Variants in CNOT6L observed in about 807,000 individuals in gnomAD.
The protein encoded by CNOT6L is CCR4-NOT transcription complex subunit 6 like, also known as CCR4-NOT transcription complex subunit 6-like.
CNOT6L carries 7 observed loss-of-function variants against 64.0 expected under a neutral mutation model. That is an observed-to-expected ratio of 0.11 (90% CI 0.06 to 0.21). CNOT6L has a LOEUF of 0.21. Ranked by LOEUF, CNOT6L falls within the 10% of genes least tolerant of loss-of-function variation. The pLI is 1.00. For missense variants in CNOT6L, 245 were observed against 669.0 expected (o/e 0.37, Z 6.99); for synonymous variants, 193 against 243.4 (o/e 0.79, Z 1.93).
chr4:77,752,220 T>C (rs1054707717), intron 5 of CNOT6L, among the ~76,000 whole-genome samples: 1 of 152,080 alleles, frequency 6.6e-6, no homozygotes, highest in Non-Finnish European at 1.5e-5. Context: ...GATAGAAAGT[T>C]TGAATAACCA....
chr4:77,731,600 A>T (rs1050272459), intron 8 of CNOT6L, 62 bp from the exon 9 acceptor site: 3 of 1,239,476 alleles, frequency 2.4e-6, no homozygotes, highest in Non-Finnish European at 1.1e-6. Context: ...ATATTAAATG[A>T]AAGAAACATG....
intron 1 of CNOT6L, among the ~76,000 whole-genome samples, chr4:77,804,574 CAGAAAGT>C (rs1732004561): frequency 6.6e-6 from 1 of 151,724 alleles, no homozygotes; most frequent in Admixed American, 6.6e-5. Context: ...TCCATAGAGA[CAGAAAGT>C]AGACCAGAAA....
Position 77,805,866 on chromosome 4 carries a change from T to C in CNOT6L, c.5+13438A>G, listed in dbSNP as rs561275143. ...GAAACCAATCATAAGAGTATTCTAA[T>C]TATTCAAGCATAAAGTAAGCAGAGC... On this transcript the variant is annotated intron_variant, in intron 1 of 11. Transcript: ENST00000504123. Among the ~76,000 whole-genome samples, 4 of 152,306 alleles carry C rather than the reference T, an allele frequency of 2.6e-5. No individual in the cohort carries two copies. The East Asian group carries it at 7.7e-4, about 29-fold the overall frequency.
chr4:77,788,022 C>A (rs895628220), intron 1 of CNOT6L, among the ~76,000 whole-genome samples: 7 of 152,204 alleles, frequency 4.6e-5, no homozygotes, highest in Non-Finnish European at 1.0e-4. Flanking sequence ...TATCATAAAT[C>A]TGAAAATCTA....
chr4:77,745,504 C>T (rs1239040488), intron 6 of CNOT6L, among the ~76,000 whole-genome samples: 2 of 152,192 alleles, frequency 1.3e-5, no homozygotes, highest in Non-Finnish European at 2.9e-5. Flanking sequence ...CATCAGTAAT[C>T]AATCACCTGG....
In CNOT6L at chr4:77,719,192, T is replaced by G. The variant is rs1721047248; in HGVS notation, c.*1239A>C. 6.6e-6 allele frequency: 1 copy of G among 152,516 alleles called. No homozygotes were observed. 9.4% of individuals were successfully genotyped at this position (152,516 alleles called of 1,614,324 possible). On this transcript the variant is annotated 3_prime_UTR_variant, in exon 12 of 12. Coordinates refer to ENST00000504123, the MANE Select transcript of CNOT6L (RefSeq NM_144571.3). ...GAGTCACAGATTTTCAACTGGCCCC[T>G]CCTAGGCAAAAAAAAGATTCCAACA...
At chr4:77,801,861 C>T (rs1347476405) in intron 1 of CNOT6L, among the ~76,000 whole-genome samples, 2 of 152,144 alleles carry the variant, frequency 1.3e-5, no homozygotes, top group Non-Finnish European at 2.9e-5. Flanking sequence ...TGAATAGCCA[C>T]TGTATTCCAG....
intron 1 of CNOT6L, among the ~76,000 whole-genome samples, chr4:77,817,274 CTA>C (rs1230591649): frequency 2.0e-5 from 3 of 151,772 alleles, no homozygotes; most frequent in Non-Finnish European, 4.4e-5. Flanking sequence ...ATTTTAATGA[CTA>C]TTTTTATTAT....
chr4:77,746,694 TATGAAGAATTAGAAA>T (rs1032745974), intron 6 of CNOT6L, among the ~76,000 whole-genome samples: 9 of 152,222 alleles, frequency 5.9e-5, no homozygotes, highest in Admixed American at 5.9e-4. Context: ...AAGGGATTAC[TATGAAGAATTAGAAA>T]ATGGTGTTTT....
intron 1 of CNOT6L, among the ~76,000 whole-genome samples, chr4:77,787,767 ATAAGT>A (rs1388246102): frequency 3.9e-5 from 6 of 152,264 alleles, no homozygotes; most frequent in Middle Eastern, 3.2e-3. Flanking sequence ...GCTACTACAT[ATAAGT>A]TATTTACCTA....
chr4:77,764,561 G>A (rs142091946), intron 4 of CNOT6L, among the ~76,000 whole-genome samples: 148 of 152,128 alleles, frequency 9.7e-4, no homozygotes, highest in African/African-American at 3.5e-3. Context: ...TTTCTTGCAG[G>A]AGATCCAAGA....
chr4:77,790,916 T>G (rs1205691478), intron 1 of CNOT6L, among the ~76,000 whole-genome samples: 1 of 151,646 alleles, frequency 6.6e-6, no homozygotes, highest in Non-Finnish European at 1.5e-5. Context: ...CGCCTCGGCT[T>G]TCCAAAGTGC....
chr4:77,814,266 G>A (rs972170436), intron 1 of CNOT6L, among the ~76,000 whole-genome samples: 3 of 152,026 alleles, frequency 2.0e-5, no homozygotes, highest in Admixed American at 2.0e-4. Context: ...TTATATTTTA[G>A]GTAATGAAAA....
chr4:77,758,425 C>T (rs978593394), intron 4 of CNOT6L, among the ~76,000 whole-genome samples: 1 of 152,034 alleles, frequency 6.6e-6, no homozygotes, highest in Admixed American at 6.5e-5. Context: ...AAACATAAGA[C>T]AGTAAAAGAT....
At position 77,801,109 on chromosome 4, in the gene CNOT6L, G is replaced by C. The variant is rs150601101; in HGVS notation, c.5+18195C>G. On this transcript the variant is annotated intron_variant, in intron 1 of 11. Coordinates refer to ENST00000504123, the MANE Select transcript of CNOT6L (RefSeq NM_144571.3). ...TTGATTAGAAGGATAAAGAACAAGAGAACTTACAATGGCTTTGAGTCAAGC... is the reference window on the plus strand; with the variant it reads ...TTGATTAGAAGGATAAAGAACAAGACAACTTACAATGGCTTTGAGTCAAGC... Among the ~76,000 whole-genome samples, 151 of 152,244 alleles carry C rather than the reference G, an allele frequency of 9.9e-4. 1 individual carries two copies. Among genetic ancestry groups the C allele is most frequent in the African/African-American group, 3.1e-3 (130 of 41,534 alleles).
intron 1 of CNOT6L, among the ~76,000 whole-genome samples, chr4:77,811,005 T>C (rs1002651555): frequency 3.9e-5 from 6 of 152,194 alleles, no homozygotes; most frequent in Non-Finnish European, 8.8e-5. Flanking sequence ...TTTCATTCTT[T>C]ATGGCTGAAG....
In CNOT6L at chr4:77,757,098, A is replaced by C. The variant is rs190509876; in HGVS notation, c.401-147T>G. On this transcript the variant is annotated intron_variant, in intron 4 of 11. Coordinates refer to ENST00000504123, the MANE Select transcript of CNOT6L (RefSeq NM_144571.3). ...ATTTAATCTATTATATACATTTAAA[A>C]ATGTATGTGTAAATAAATATTTTCT... 1.7e-3 allele frequency: 761 copies of C among 446,196 alleles called. 14 individuals are homozygous for C. In the East Asian group the frequency reaches 0.024, roughly 14 times the overall value. 27.6% of individuals were successfully genotyped at this position (446,196 alleles called of 1,614,324 possible).
chr4:77,729,492 G>C (rs1195153212), intron 9 of CNOT6L, among the ~76,000 whole-genome samples: 2 of 152,154 alleles, frequency 1.3e-5, no homozygotes, highest in Non-Finnish European at 2.9e-5. Flanking sequence ...ACTGTGATAG[G>C]TCAGCAGTAA....
rs1237821988 is a variant in CNOT6L, at chr4:77,720,332, A to C, written c.*99T>G. On this transcript the variant is annotated 3_prime_UTR_variant, in exon 12 of 12. Coordinates refer to ENST00000504123, the MANE Select transcript of CNOT6L (RefSeq NM_144571.3). ...ACACATAATGAAAGAAACCTGAAGA[A>C]GCAGCTTAAGGATGGCCATACTTCA... 33 of 1,269,202 alleles carry C rather than the reference A, an allele frequency of 2.6e-5. No individual in the cohort carries two copies. Among genetic ancestry groups the C allele is most frequent in the Non-Finnish European group, 3.7e-5 (33 of 899,718 alleles). 78.6% of individuals were successfully genotyped at this position (1,269,202 alleles called of 1,614,324 possible).
Sources: allele counts gnomAD v4.1 joint callset (sites outside exome capture counted in the v4.1 genomes callset), GRCh38; gene constraint gnomAD v4.1.1; transcripts MANE v1.5; gene names NCBI Gene and HGNC (gene_info 2026-07-23, HGNC 2026-07-21).